Variants in DYNC2H1 observed in about 807,000 individuals in gnomAD.
DYNC2H1 encodes the protein dynein cytoplasmic 2 heavy chain 1, also known as cytoplasmic dynein 2 heavy chain 1.
A neutral mutation model predicts 570.0 loss-of-function variants in DYNC2H1; 410 were observed. The observed-to-expected ratio is 0.72, with a 90% CI of 0.66 to 0.78. The LOEUF is 0.78. Among genes scored for constraint, DYNC2H1 ranks in the 30% least tolerant of loss-of-function variants. The pLI is 0.00. For missense variants in DYNC2H1, 4,865 were observed against 5,046.4 expected, an observed-to-expected ratio of 0.96 and a Z score of 1.09; for synonymous variants, 1,688 against 1,677.6, an observed-to-expected ratio of 1.01 and a Z score of -0.15.
At chr11:103,298,945 C>G (rs989937742) in intron 75 of DYNC2H1, among the ~76,000 whole-genome samples, 1 of 152,050 alleles carries the variant, frequency 6.6e-6, no homozygotes, top group African/African-American at 2.4e-5. Context: ...TTCTACAAAG[C>G]AAGACTTATG....
intron 61 of DYNC2H1, among the ~76,000 whole-genome samples, chr11:103,234,864 C>T (rs1182808309): frequency 1.3e-5 from 2 of 151,892 alleles, no homozygotes; most frequent in African/African-American, 4.8e-5. Flanking sequence ...TTCCAAGTCT[C>T]CTTTATTTTC....
In DYNC2H1 at chr11:103,173,146, G is replaced by A. The variant is rs1555056136; in HGVS notation, c.5399G>A (p.Gly1800Glu). Residue 1800 changes from glycine (G) to glutamate (E), a missense_variant, in exon 35 of 89, where the codon GGA becomes GAA. Transcript: ENST00000375735. ...TMNPAGKGYG[G>E]RQKLPDNLKQ... ...AATCCTGCTGGAAAAGGTTATGGAG[G>A]AAGACAAAAACTGCCTGATAATCTT... 6.4e-7 allele frequency: 1 copy of A among 1,550,938 alleles called. No individual in the cohort carries two copies. Among genetic ancestry groups the A allele is most frequent in the East Asian group, 2.5e-5 (1 of 40,760 alleles).
intron 83 of DYNC2H1, among the ~76,000 whole-genome samples, chr11:103,396,974 AG>A (rs1332552457): frequency 6.6e-6 from 1 of 152,188 alleles, no homozygotes; most frequent in Non-Finnish European, 1.5e-5. Flanking sequence ...GCACTGTAAA[AG>A]GTGGGAGGTG....
At chr11:103,387,125 A>G (rs1941920320) in intron 83 of DYNC2H1, among the ~76,000 whole-genome samples, 1 of 152,106 alleles carries the variant, frequency 6.6e-6, no homozygotes, top group Non-Finnish European at 1.5e-5. Flanking sequence ...CAACAGTGTA[A>G]AAGTGCTCCT....
At chr11:103,477,398 A>C (rs966405096) in intron 88 of DYNC2H1, among the ~76,000 whole-genome samples, 1 of 152,194 alleles carries the variant, frequency 6.6e-6, no homozygotes, top group African/African-American at 2.4e-5. Context: ...CAAAGTAATA[A>C]TTAATTGAAT....
At chr11:103,120,840 T>A (rs767054315) in intron 8 of DYNC2H1, 38 bp downstream of exon 8, 1 of 1,240,388 alleles carries the variant, frequency 8.1e-7, no homozygotes, top group Non-Finnish European at 1.1e-6. Context: ...ATATTTCTCT[T>A]AAGCTAATAT....
In DYNC2H1 at chr11:103,186,217, CT is replaced by C; in HGVS notation, c.6634-23del. ...TCACACACTCTGGAGTATGTGAAAA[CT>C]TATCACAATTTTTTCCTCTTAAGGT... On this transcript the variant is annotated intron_variant, in intron 41 of 88. Coordinates refer to ENST00000375735, the MANE Select transcript of DYNC2H1 (RefSeq NM_001377.3). The surrounding 1 kb of genome is among the most constrained non-coding windows in gnomAD (Gnocchi z 4.5). The C allele has an allele frequency of 6.3e-7, 1 of 1,596,748 alleles. No individual in the cohort carries two copies. Among genetic ancestry groups the C allele is most frequent in the Admixed American group, 1.7e-5 (1 of 58,268 alleles).
At chr11:103,330,022 T>C (rs1938696157) in intron 82 of DYNC2H1, among the ~76,000 whole-genome samples, 1 of 152,204 alleles carries the variant, frequency 6.6e-6, no homozygotes, top group Non-Finnish European at 1.5e-5. Context: ...TCTGGTATTT[T>C]TTACTTTTAT....
At chr11:103,238,233 A>C (rs1864295798) in intron 63 of DYNC2H1, among the ~76,000 whole-genome samples, 1 of 152,148 alleles carries the variant, frequency 6.6e-6, no homozygotes, top group African/African-American at 2.4e-5. Context: ...GACATGATAA[A>C]TAATATGCAT....
At chr11:103,416,581 A>G (rs1943291389) in intron 84 of DYNC2H1, among the ~76,000 whole-genome samples, 2 of 152,202 alleles carry the variant, frequency 1.3e-5, no homozygotes, top group Non-Finnish European at 2.9e-5. Context: ...TTTTTAATAA[A>G]TGGTGCTGGG....
intron 75 of DYNC2H1, among the ~76,000 whole-genome samples, chr11:103,292,884 A>G (rs1223786490): frequency 6.6e-6 from 1 of 152,230 alleles, no homozygotes; most frequent in Non-Finnish European, 1.5e-5. Flanking sequence ...TCATGAGTCA[A>G]TCAAATCTCT....
At chr11:103,276,104 T>G (rs1262462569) in intron 70 of DYNC2H1, among the ~76,000 whole-genome samples, 1 of 152,204 alleles carries the variant, frequency 6.6e-6, no homozygotes, top group African/African-American at 2.4e-5. Flanking sequence ...CTTTTTCTGA[T>G]GACATATGAT....
Position 103,287,605 on chromosome 11 carries a change from G to C in DYNC2H1, c.11095G>C (p.Gly3699Arg). ...GGCTCTTTTTGCATGTAAAACTCTG[G>C]GTAAGTGTGATGCTTTTCAAGAACT... ...AMALFACKTL[G>R]LKEVSPLPLN... is the part of the protein sequence containing the mutation. The change falls in exon 75 of 89, where the codon GGA (glycine) becomes CGA (arginine). Residue 3699 changes from glycine to arginine, a missense_variant and splice_region_variant. By Grantham distance (125) the Gly-to-Arg change is moderately radical. Around this residue, in one of 5 missense-constraint regions of DYNC2H1, gnomAD observed 2,401 missense variants for 2,454.6 expected, o/e 0.98. Transcript: ENST00000375735. 1 of 1,609,474 alleles carries C rather than the reference G, an allele frequency of 6.2e-7. No individual in the cohort carries two copies. The highest frequency in any genetic ancestry group is 8.5e-7 in the Non-Finnish European group (1 of 1,177,870).
rs1865878937 is a variant in DYNC2H1, at chr11:103,275,644, A to AG, written c.10696-4704_10696-4703insG. ...TAGCCTTTGTAGATTGTCTTCTTTC[A>AG]CTTACTATTGTACGTTTAAGGTTCT... On this transcript the variant is annotated intron_variant, in intron 70 of 88. Coordinates refer to ENST00000375735, the MANE Select transcript of DYNC2H1 (RefSeq NM_001377.3). This position sits in a 1 kb window ranked among gnomAD's most constrained non-coding sequence, Gnocchi z 4.8. Among the ~76,000 whole-genome samples the AG allele has an allele frequency of 6.6e-6, 1 of 152,004 alleles. No individual in the cohort carries two copies. The highest frequency in any genetic ancestry group is 6.6e-5 in the Admixed American group (1 of 15,254).
intron 50 of DYNC2H1, among the ~76,000 whole-genome samples, chr11:103,202,868 C>T (rs1591401583): frequency 6.6e-6 from 1 of 152,260 alleles, no homozygotes; most frequent in East Asian, 1.9e-4. Flanking sequence ...TCCAGGCCCT[C>T]TATCTTTAAG....
In DYNC2H1 at chr11:103,268,433, C is replaced by G. The variant is rs954954730; in HGVS notation, c.10695+8456C>G. On this transcript the variant is annotated intron_variant, in intron 70 of 88. Coordinates refer to ENST00000375735, the MANE Select transcript of DYNC2H1 (RefSeq NM_001377.3). The surrounding 1 kb of genome is among the most constrained non-coding windows in gnomAD (Gnocchi z 4.6). Reference sequence around the variant, plus strand: ...AAGTCTATTTTGCTGTAATTATTATCTTCTATTTTTTAATCATTGGATTTA... The same window carrying G: ...AAGTCTATTTTGCTGTAATTATTATGTTCTATTTTTTAATCATTGGATTTA... Among the ~76,000 whole-genome samples, 8 of 151,736 alleles carry G rather than the reference C, an allele frequency of 5.3e-5. No homozygotes were observed. Among genetic ancestry groups the G allele is most frequent in the African/African-American group, 1.7e-4 (7 of 41,360 alleles).
chr11:103,268,216 G>A lies in DYNC2H1; in HGVS notation c.10695+8239G>A, dbSNP rs993290500. On this transcript the variant is annotated intron_variant, in intron 70 of 88. Coordinates refer to ENST00000375735, the MANE Select transcript of DYNC2H1 (RefSeq NM_001377.3). The surrounding 1 kb of genome is among the most constrained non-coding windows in gnomAD (Gnocchi z 4.6). Reference sequence around the variant, plus strand: ...ATATCTCTACCCACATAATAATAAAGGTATATCTTTATCTCCTTTGTTGCA... The same window carrying A: ...ATATCTCTACCCACATAATAATAAAAGTATATCTTTATCTCCTTTGTTGCA... Among the ~76,000 whole-genome samples the A allele has an allele frequency of 1.3e-5, 2 of 151,852 alleles. No individual in the cohort carries two copies. The highest frequency in any genetic ancestry group is 2.9e-5 in the Non-Finnish European group (2 of 67,872).
In DYNC2H1 at chr11:103,455,214, C is replaced by T. The variant is rs754635981; in HGVS notation, c.12485C>T (p.Ala4162Val). 6 of 1,613,128 alleles carry T rather than the reference C, an allele frequency of 3.7e-6. No individual in the cohort carries two copies. In the Admixed American group the frequency reaches 8.3e-5, roughly 22 times the overall value. ...QNWVDKAEKQ[A>V]LLSETLDLSE... ...TGGGTAGATAAAGCTGAAAAACAGG[C>T]TCTTCTCTCTGAAACACTTGACCTA... Residue 4162 changes from alanine (A) to valine (V), a missense_variant, in exon 86 of 89, where the codon GCT (alanine) becomes GTT (valine). Transcript: ENST00000375735.
Position 103,334,380 on chromosome 11 carries a change from G to C in DYNC2H1, c.12039+10390G>C, listed in dbSNP as rs1939001498. On this transcript the variant is annotated intron_variant, in intron 82 of 88. Transcript: ENST00000375735. This position sits in a 1 kb window ranked among gnomAD's most constrained non-coding sequence, Gnocchi z 4.3. ...CAGAATTTGGCTACAAGGAATATCT[G>C]TTGTAAATCAATTATAAATTGTAAA... Among the ~76,000 whole-genome samples the C allele has an allele frequency of 6.6e-6, 1 of 152,116 alleles. No individual in the cohort carries two copies. Among genetic ancestry groups the C allele is most frequent in the Non-Finnish European group, 1.5e-5 (1 of 67,976 alleles).
Sources: gnomAD v4.1 joint callset for allele counts (sites outside exome capture counted in the v4.1 genomes callset) on GRCh38, gnomAD v4.1.1 for gene constraint, gnomAD v4.1.1 regional missense constraint, Gnocchi (gnomAD v3.1) non-coding constraint, MANE v1.5 for transcripts, NCBI Gene and HGNC (gene_info 2026-07-23, HGNC 2026-07-21) for gene names.